Variants in ANO10 observed in about 807,000 individuals in gnomAD.
ANO10 encodes the protein anoctamin-10.
A neutral mutation model predicts 74.7 loss-of-function variants in ANO10; 77 were observed. The ratio of observed to expected loss-of-function variants is 1.03; its 90% CI spans 0.86 to 1.25. The LOEUF is 1.25. ANO10 is among the 50% of genes most tolerant of loss of function. The pLI is 0.00. For missense variants in ANO10, 721 were observed against 778.1 expected (o/e 0.93, Z 0.87); for synonymous variants, 279 against 284.9 (o/e 0.98, Z 0.21).
intron 12 of ANO10, among the ~76,000 whole-genome samples, chr3:43,422,976 G>A (rs904575605): frequency 1.3e-5 from 2 of 152,146 alleles, no homozygotes; most frequent in Non-Finnish European, 1.5e-5. Context: ...TTGCTCCAGA[G>A]CCTGAATTAG....
At chr3:43,551,134 A>G (rs918553898) in intron 10 of ANO10, among the ~76,000 whole-genome samples, 1 of 152,226 alleles carries the variant, frequency 6.6e-6, no homozygotes, top group Non-Finnish European at 1.5e-5. Flanking sequence ...GTGGGCATTT[A>G]GTTGCTATTA....
Position 43,366,759 on chromosome 3 carries a change from T to G in ANO10, c.*147A>C. The G allele has an allele frequency of 2.5e-6, 2 of 806,306 alleles. No individual in the cohort carries two copies. The highest frequency in any genetic ancestry group is 4.1e-5 in the Admixed American group (2 of 49,248). 49.9% of individuals were successfully genotyped at this position (806,306 alleles called of 1,614,324 possible). On this transcript the variant is annotated 3_prime_UTR_variant, in exon 13 of 13. Transcript: ENST00000292246. Reference sequence around the variant, plus strand: ...GCCACTGCGAAACTGAGAAGGGTGCTTGCCACATGGGAGCCACTTCGTTTG... The same window carrying G: ...GCCACTGCGAAACTGAGAAGGGTGCGTGCCACATGGGAGCCACTTCGTTTG...
At chr3:43,444,103 T>C (rs1362587806) in intron 11 of ANO10, among the ~76,000 whole-genome samples, 1 of 152,200 alleles carries the variant, frequency 6.6e-6, no homozygotes, top group Admixed American at 6.5e-5. Flanking sequence ...TCATTGGCTC[T>C]TCTCTCTTAA....
intron 1 of ANO10, among the ~76,000 whole-genome samples, chr3:43,676,678 T>C (rs1272303409): frequency 3.3e-5 from 5 of 152,178 alleles, no homozygotes; most frequent in Non-Finnish European, 7.3e-5. Context: ...GACATTGTAA[T>C]ATCATTTTGC....
chr3:43,690,798 T>C (rs1042560211), intron 1 of ANO10: 4 of 467,358 alleles, frequency 8.6e-6, no homozygotes, highest in Non-Finnish European at 1.5e-5. Context: ...GCATGCTGGC[T>C]GGGGATGGCG....
At chr3:43,591,697 GCA>G (rs1559750540) in intron 4 of ANO10, among the ~76,000 whole-genome samples, 3 of 152,190 alleles carry the variant, frequency 2.0e-5, no homozygotes, top group African/African-American at 7.2e-5. Context: ...GGTGACTTCT[GCA>G]TTTCCAACTG....
At chr3:43,427,570 A>G (rs1356560561) in intron 12 of ANO10, among the ~76,000 whole-genome samples, 2 of 152,236 alleles carry the variant, frequency 1.3e-5, no homozygotes, top group East Asian at 3.8e-4. Context: ...CTTACTATCA[A>G]TATCTGGTCA....
At chr3:43,519,577 C>G (rs889073007) in intron 11 of ANO10, among the ~76,000 whole-genome samples, 1 of 152,068 alleles carries the variant, frequency 6.6e-6, no homozygotes, top group African/African-American at 2.4e-5. Flanking sequence ...TCATTTGGAG[C>G]CATTACTTGT....
chr3:43,659,120 A>ACAGC (rs1480152200), intron 1 of ANO10, among the ~76,000 whole-genome samples: 1 of 152,122 alleles, frequency 6.6e-6, no homozygotes, highest in East Asian at 1.9e-4. Flanking sequence ...GCTCTGGTCT[A>ACAGC]CAGCTCCCAG....
At chr3:43,504,308 A>G (rs199828869) in intron 11 of ANO10, among the ~76,000 whole-genome samples, 14 of 140,970 alleles carry the variant, frequency 9.9e-5, no homozygotes, top group Admixed American at 2.1e-4. Flanking sequence ...AGGTAGATAG[A>G]TAGATAGATA....
intron 1 of ANO10, among the ~76,000 whole-genome samples, chr3:43,675,241 T>G (rs927306883): frequency 2.0e-5 from 3 of 152,176 alleles, no homozygotes; most frequent in Non-Finnish European, 4.4e-5. Flanking sequence ...AAGTAGATCA[T>G]GGATTTAAAC....
chr3:43,682,704 C>T (rs1350550972), intron 1 of ANO10, among the ~76,000 whole-genome samples: 1 of 152,172 alleles, frequency 6.6e-6, no homozygotes, highest in Non-Finnish European at 1.5e-5. Flanking sequence ...AAACCGAATC[C>T]AGCAGCACAT....
At position 43,576,878 on chromosome 3, in the gene ANO10, G is replaced by A. The variant is rs758961704; in HGVS notation, c.976C>T (p.Leu326Phe). ...ATCATGACATACAGTGAGAAATAGA[G>A]GCAGAGGCACACGAATGGCAGGGAG... Reference protein sequence around the residue: ...LVSLPFVCLCLYFSLYVMMIY... With the variant: ...LVSLPFVCLCFYFSLYVMMIY... Residue 326 changes from leucine to phenylalanine, a missense_variant, in exon 6 of 13, where the codon CTC (leucine) becomes TTC (phenylalanine). Physicochemically the swap from Leu to Phe is conservative, Grantham distance 22 (BLOSUM62 0). Transcript: ENST00000292246. 8 of 1,614,050 alleles carry A rather than the reference G, an allele frequency of 5.0e-6. No individual in the cohort carries two copies. Among genetic ancestry groups the A allele is most frequent in the Admixed American group, 3.3e-5 (2 of 59,996 alleles).
intron 11 of ANO10, among the ~76,000 whole-genome samples, chr3:43,442,963 ATG>A (rs1394068781): frequency 2.0e-5 from 3 of 152,032 alleles, no homozygotes; most frequent in African/African-American, 4.8e-5. Context: ...GCATCACAAA[ATG>A]TGTGCCTCAA....
intron 11 of ANO10, among the ~76,000 whole-genome samples, chr3:43,503,799 T>C (rs2077184449): frequency 6.6e-6 from 1 of 151,948 alleles, no homozygotes; most frequent in Non-Finnish European, 1.5e-5. Context: ...CAAAGAGAGG[T>C]CTCATCACTT....
In ANO10 at chr3:43,583,902, G is replaced by A. The variant is rs564704081; in HGVS notation, c.473-3430C>T. On this transcript the variant is annotated intron_variant, in intron 4 of 12. Coordinates refer to ENST00000292246, the MANE Select transcript of ANO10 (RefSeq NM_018075.5). ...TAAAGACATAATATATGTGCCAGGT[G>A]GTCCCATCAATCAAAACATGATAAT... Among the ~76,000 whole-genome samples the A allele has an allele frequency of 2.6e-5, 4 of 152,272 alleles. No homozygotes were observed. The East Asian group carries it at 7.7e-4, about 29-fold the overall frequency.
At chr3:43,558,897 G>A (rs2079890321) in intron 9 of ANO10, among the ~76,000 whole-genome samples, 1 of 152,162 alleles carries the variant, frequency 6.6e-6, no homozygotes, top group Non-Finnish European at 1.5e-5. Flanking sequence ...AGATCACGCA[G>A]AACCCTGCAG....
At chr3:43,378,252 C>G (rs563627436) in intron 12 of ANO10, among the ~76,000 whole-genome samples, 4 of 152,308 alleles carry the variant, frequency 2.6e-5, no homozygotes, top group African/African-American at 9.6e-5. Context: ...AAAGGGTGAG[C>G]TCCTTCTCTG....
At chr3:43,367,433 T>G (rs866596068) in intron 12 of ANO10, among the ~76,000 whole-genome samples, 1 of 152,200 alleles carries the variant, frequency 6.6e-6, no homozygotes, top group Non-Finnish European at 1.5e-5. Context: ...GCAAGTATTG[T>G]TGTCCATGAA....
Sources: gnomAD v4.1 joint callset for allele counts (sites outside exome capture counted in the v4.1 genomes callset) on GRCh38, gnomAD v4.1.1 for gene constraint, MANE v1.5 for transcripts, NCBI Gene and HGNC (gene_info 2026-07-23, HGNC 2026-07-21) for gene names.